SH3TC2: variants seen among roughly 807,000 people sequenced by gnomAD.
The protein encoded by SH3TC2 is SH3 domain and tetratricopeptide repeats 2.
Under a neutral mutation model 124.5 loss-of-function variants are expected in SH3TC2, and 87 were observed. The observed-to-expected ratio is 0.70, with a 90% CI of 0.59 to 0.84. SH3TC2 has a LOEUF of 0.84. Among genes scored for constraint, SH3TC2 ranks in the 40% least tolerant of loss-of-function variants. SH3TC2 has a pLI of 0.00. For synonymous variants in SH3TC2, 634 were observed against 628.5 expected, an observed-to-expected ratio of 1.01 and a Z score of -0.13; for missense variants, 1,536 against 1,566.4, an observed-to-expected ratio of 0.98 and a Z score of 0.33.
Position 149,028,480 on chromosome 5 carries a change from G to A in SH3TC2, c.1252C>T (p.Gln418Ter), listed in dbSNP as rs929383309. 1 of 1,613,242 alleles carries A rather than the reference G, an allele frequency of 6.2e-7. No individual in the cohort carries two copies. The highest frequency in any genetic ancestry group is 8.5e-7 in the Non-Finnish European group (1 of 1,179,500). ...CTGGAGTCCTCAGAGCTGCTGGACT[G>A]TCTGGACCCCACGGCCTGATGCTCC... The part of the protein sequence containing the change: ...WEEHQAVGSR[Q>*]SSSSEDSSLE... The change falls in exon 11 of 17, where the codon CAG becomes TAG. Residue 418 changes from glutamine to a stop codon, truncating the protein, a stop_gained. Transcript: ENST00000515425. LOFTEE classifies it high-confidence loss of function.
At chr5:149,010,745 G>T (rs1165488533) in intron 13 of SH3TC2, among the ~76,000 whole-genome samples, 1 of 152,084 alleles carries the variant, frequency 6.6e-6, no homozygotes, top group Non-Finnish European at 1.5e-5. Context: ...GTAGAATAAG[G>T]CTAAGTGTAG....
At chr5:149,031,230 G>A (rs961432174) in intron 9 of SH3TC2, among the ~76,000 whole-genome samples, 1 of 152,102 alleles carries the variant, frequency 6.6e-6, no homozygotes, top group African/African-American at 2.4e-5. Context: ...GCTTACTTCA[G>A]TCCTAGAAGG....
At chr5:149,011,215 C>A (rs1043750745) in intron 13 of SH3TC2, among the ~76,000 whole-genome samples, 2 of 152,204 alleles carry the variant, frequency 1.3e-5, no homozygotes, top group Non-Finnish European at 2.9e-5. Flanking sequence ...AGGCCTGGGA[C>A]CAGTTCTGGC....
rs1753465409 is a variant in SH3TC2, at chr5:148,994,172, G to A, written c.*10539C>T. ...ATCAAAATTTCAGCTGAGGTTTTATGCAATACTTGCAATATAGATAAGGCT... is the reference window on the plus strand; with the variant it reads ...ATCAAAATTTCAGCTGAGGTTTTATACAATACTTGCAATATAGATAAGGCT... On this transcript the variant is annotated 3_prime_UTR_variant, in exon 17 of 17. Coordinates refer to ENST00000515425, the MANE Select transcript of SH3TC2 (RefSeq NM_024577.4). 6.6e-6 allele frequency among the ~76,000 whole-genome samples: 1 copy of A among 152,162 alleles called. No homozygotes were observed. Among genetic ancestry groups the A allele is most frequent in the Non-Finnish European group, 1.5e-5 (1 of 68,034 alleles).
rs1052359577 is a variant in SH3TC2 at position 149,012,748 on chromosome 5, T to C, written c.3054-14A>G. 1 of 1,613,952 alleles carries C rather than the reference T, an allele frequency of 6.2e-7. No individual in the cohort carries two copies. The highest frequency in any genetic ancestry group is 8.5e-7 in the Non-Finnish European group (1 of 1,179,978). On this transcript the variant is annotated splice_polypyrimidine_tract_variant and intron_variant, in intron 12 of 16. Coordinates refer to ENST00000515425, the MANE Select transcript of SH3TC2 (RefSeq NM_024577.4). ...CTCCTGAGGGACCTGGGGACAGACA[T>C]GAACTTGTGAGGTGTGAAGGCTCAA...
intron 1 of SH3TC2, chr5:149,062,390 C>A: frequency 1.9e-6 from 1 of 533,732 alleles, no homozygotes; most frequent in Non-Finnish European, 3.9e-6. Context: ...CCAGGCAAAC[C>A]ATAATGGCTG....
intron 12 of SH3TC2, among the ~76,000 whole-genome samples, chr5:149,019,432 C>T (rs1446462855): frequency 6.6e-6 from 1 of 152,004 alleles, no homozygotes; most frequent in Non-Finnish European, 1.5e-5. Context: ...CCTCTGACAC[C>T]TAAAATATTT....
intron 1 of SH3TC2, among the ~76,000 whole-genome samples, chr5:149,059,479 TG>T (rs924252519): frequency 9.9e-5 from 15 of 151,944 alleles, no homozygotes; most frequent in African/African-American, 3.4e-4. Flanking sequence ...TTTATCTGCA[TG>T]TTTTTTTTTT....
chr5:149,028,400 A>G lies in SH3TC2; in HGVS notation c.1332T>C (p.Pro444=). The change falls in exon 11 of 17, where the codon CCT becomes CCC. Residue 444 remains proline (P), a synonymous_variant. Coordinates refer to ENST00000515425, the MANE Select transcript of SH3TC2 (RefSeq NM_024577.4). Reference sequence around the variant, plus strand: ...GCAGTTCCGGGTCATCAAGGTCATCAGGCTCCGGCAGGCGATAGCTGTCTG... The same window carrying G: ...GCAGTTCCGGGTCATCAAGGTCATCGGGCTCCGGCAGGCGATAGCTGTCTG... The part of the protein sequence containing the change: ...ATSDSYRLPE[P]DDLDDPELLM... 2.5e-6 allele frequency: 4 copies of G among 1,614,040 alleles called. No individual in the cohort carries two copies. The highest frequency in any genetic ancestry group is 3.4e-6 in the Non-Finnish European group (4 of 1,179,992).
At chr5:149,024,551 C>T (rs952037240) in intron 12 of SH3TC2, among the ~76,000 whole-genome samples, 4 of 152,172 alleles carry the variant, frequency 2.6e-5, no homozygotes, top group Admixed American at 1.3e-4. Flanking sequence ...CCAGACTCAA[C>T]GTTTTACTGG....
rs1237283108 is a variant in SH3TC2, at chr5:149,004,677, C to G, written c.*34G>C. 1.9e-6 allele frequency: 3 copies of G among 1,608,812 alleles called. No homozygotes were observed. Among genetic ancestry groups the G allele is most frequent in the Middle Eastern group, 2.2e-4 (1 of 4,580 alleles). On this transcript the variant is annotated 3_prime_UTR_variant, in exon 17 of 17. Coordinates refer to ENST00000515425, the MANE Select transcript of SH3TC2 (RefSeq NM_024577.4). Reference sequence around the variant, plus strand: ...CTAGGGCAGTGGGGTCAGAGTCTGGCCATGCCAAATGTCCAGAGACAGGAC... The same window carrying G: ...CTAGGGCAGTGGGGTCAGAGTCTGGGCATGCCAAATGTCCAGAGACAGGAC...
At chr5:149,041,670 A>G in intron 5 of SH3TC2, 53 bp from the exon 6 acceptor site, 1 of 1,572,150 alleles carries the variant, frequency 6.4e-7, no homozygotes, top group Non-Finnish European at 8.7e-7. Context: ...GGAAGTGAAA[A>G]CGGATTATCA....
chr5:149,034,585 T>C (rs756236197), intron 8 of SH3TC2: 8 of 285,810 alleles, frequency 2.8e-5, no homozygotes, highest in Non-Finnish European at 5.0e-5. Context: ...TGCTTACAGG[T>C]CTTTTTAAGT....
At chr5:149,037,975 C>A (rs1446709617) in intron 8 of SH3TC2, among the ~76,000 whole-genome samples, 1 of 152,112 alleles carries the variant, frequency 6.6e-6, no homozygotes, top group Non-Finnish European at 1.5e-5. Context: ...CTGAAGGGGC[C>A]CTGTGGTTAG....
intron 13 of SH3TC2, among the ~76,000 whole-genome samples, chr5:149,011,577 A>G (rs9687065): frequency 0.17 from 25,605 of 152,192 alleles, 2,503 homozygotes; most frequent in East Asian, 0.24. Flanking sequence ...TTCCTCTGTA[A>G]AATGGAAATT....
Position 148,988,979 on chromosome 5 carries a change from T to C in SH3TC2, c.*15732A>G, listed in dbSNP as rs973424421. On this transcript the variant is annotated 3_prime_UTR_variant, in exon 17 of 17. Coordinates refer to ENST00000515425, the MANE Select transcript of SH3TC2 (RefSeq NM_024577.4). The stretch of plus-strand genomic sequence containing the variant: ...TCCCTTATCTGGTCTAGTTGTGCCC[T>C]ACTGAGCCCAGACATGAAGGAAATA... Among the ~76,000 whole-genome samples, 12 of 152,306 alleles carry C rather than the reference T, an allele frequency of 7.9e-5. No homozygotes were observed. The highest frequency in any genetic ancestry group is 2.9e-4 in the African/African-American group (12 of 41,572).
intron 8 of SH3TC2, among the ~76,000 whole-genome samples, chr5:149,032,576 T>C (rs931590606): frequency 6.6e-6 from 1 of 152,172 alleles, no homozygotes; most frequent in Non-Finnish European, 1.5e-5. Context: ...GGAAGTGGTA[T>C]GAAGAACCAG....
rs1363524 is a variant in SH3TC2, at chr5:149,039,697, G to A, written c.805+907C>T. On this transcript the variant is annotated intron_variant, in intron 7 of 16. Transcript: ENST00000515425. ...TTTATTGTATCATTTTACTAATGAG[G>A]AAGTTGCAACATAGGGCAGGTGGAT... Among the ~76,000 whole-genome samples the A allele has an allele frequency of 6.0e-4, 91 of 152,242 alleles. 2 individuals are homozygous for A. The highest frequency in any genetic ancestry group is 2.0e-3 in the Admixed American group (31 of 15,298).
chr5:149,021,880 CTTT>C (rs1753977351), intron 12 of SH3TC2, among the ~76,000 whole-genome samples: 1 of 27,184 alleles, frequency 3.7e-5, no homozygotes, highest in African/African-American at 2.2e-4. Flanking sequence ...TTCACAAACT[CTTT>C]CTTTTTTTTT....
Sources: gnomAD v4.1 joint callset for allele counts (sites outside exome capture counted in the v4.1 genomes callset) on GRCh38, gnomAD v4.1.1 for gene constraint, MANE v1.5 for transcripts, NCBI Gene and HGNC (gene_info 2026-07-23, HGNC 2026-07-21) for gene names.